Variants in MMP17 observed in about 807,000 individuals in gnomAD.
The protein encoded by MMP17 is matrix metalloproteinase-17.
Under a neutral mutation model 49.1 loss-of-function variants are expected in MMP17, and 54 were observed. The observed-to-expected ratio is 1.10, with a 90% CI of 0.88 to 1.38. The LOEUF is 1.38. MMP17 is among the 40% of genes most tolerant of loss of function. The pLI, the probability that MMP17 is intolerant of heterozygous loss-of-function variation, is 0.00. For synonymous variants in MMP17, 397 were observed against 383.1 expected (o/e 1.04, Z -0.42); for missense variants, 837 against 853.7 (o/e 0.98, Z 0.24).
chr12:131,838,509 G>C, intron 2 of MMP17, 103 bp from the exon 3 acceptor site: 1 of 1,483,298 alleles, frequency 6.7e-7, no homozygotes, highest in Non-Finnish European at 9.0e-7. Context: ...GGGGCGGCTC[G>C]GAGGCTGGTG....
chr12:131,828,703 G>C (rs1424612223), intron 1 of MMP17, 50 bp downstream of exon 1: 4 of 217,810 alleles, frequency 1.8e-5, no homozygotes, highest in African/African-American at 9.4e-5. Context: ...GGAGCCGGGG[G>C]TCTCCGCGGG....
At position 131,838,708 on chromosome 12, in the gene MMP17, C is replaced by A; in HGVS notation, c.389C>A (p.Pro130His). 6.3e-7 allele frequency: 1 copy of A among 1,598,498 alleles called. No homozygotes were observed. Among genetic ancestry groups the A allele is most frequent in the Non-Finnish European group, 8.5e-7 (1 of 1,173,686 alleles). The change falls in exon 3 of 10, where the codon CCC becomes CAC. Residue 130 changes from proline to histidine, a missense_variant. Physicochemically the swap from Pro to His is moderately conservative, Grantham distance 77. Coordinates refer to ENST00000360564, the MANE Select transcript of MMP17 (RefSeq NM_016155.7). ...CGCAGGAGACGCCAGGCTCCAGCCCCCACCAAGTGGAACAAGAGGAACCTG... is the reference window on the plus strand; with the variant it reads ...CGCAGGAGACGCCAGGCTCCAGCCCACACCAAGTGGAACAAGAGGAACCTG... ...QARRRRQAPA[P>H]TKWNKRNLSW...
At chr12:131,834,513 T>TGGGGGCA (rs943484626) in intron 1 of MMP17, among the ~76,000 whole-genome samples, 1 of 151,892 alleles carries the variant, frequency 6.6e-6, no homozygotes, top group East Asian at 1.9e-4. Flanking sequence ...CTGTAGGTAC[T>TGGGGGCA]GGGGGCAGGG....
intron 1 of MMP17, chr12:131,837,934 T>C: frequency 3.0e-6 from 1 of 335,984 alleles, no homozygotes; most frequent in Admixed American, 4.4e-5. Context: ...ATGGTCTCCA[T>C]CTCCTGACCT....
intron 8 of MMP17, among the ~76,000 whole-genome samples, chr12:131,847,035 C>G (rs59218398): frequency 0.36 from 53,854 of 151,148 alleles, 11,444 homozygotes; most frequent in East Asian, 0.78. Context: ...ACCACCTGAG[C>G]CAGAAGGTCA....
chr12:131,837,873 G>C (rs1427825099), intron 1 of MMP17, among the ~76,000 whole-genome samples: 2 of 152,136 alleles, frequency 1.3e-5, no homozygotes, highest in Non-Finnish European at 2.9e-5. Context: ...ACCACACCCG[G>C]CTAATTTTTT....
At chr12:131,848,916 G>T (rs886994392) in intron 8 of MMP17, among the ~76,000 whole-genome samples, 1 of 152,204 alleles carries the variant, frequency 6.6e-6, no homozygotes, top group East Asian at 1.9e-4. Flanking sequence ...GGTTCTTTTG[G>T]ATTTATACCC....
intron 3 of MMP17, among the ~76,000 whole-genome samples, chr12:131,839,121 G>A (rs1887248069): frequency 6.6e-6 from 1 of 152,166 alleles, no homozygotes; most frequent in African/African-American, 2.4e-5. Flanking sequence ...GGTAGAGGGA[G>A]CATCTGTCCA....
chr12:131,845,262 T>A (rs11611232), intron 7 of MMP17, 35 bp from the exon 8 acceptor site: 1 of 1,613,274 alleles, frequency 6.2e-7, no homozygotes, highest in South Asian at 1.1e-5. Context: ...GTGCAGACCG[T>A]CTCTGCAGCC....
intron 4 of MMP17, 117 bp from the exon 5 acceptor site, chr12:131,841,507 A>G: frequency 9.3e-7 from 1 of 1,069,606 alleles, no homozygotes; most frequent in Non-Finnish European, 1.4e-6. Flanking sequence ...CCTCTGGCGC[A>G]GCCGGCATCG....
At chr12:131,844,742 C>T (rs1887603987) in intron 6 of MMP17, 3 of 290,918 alleles carry the variant, frequency 1.0e-5, no homozygotes, top group Admixed American at 9.0e-5. Flanking sequence ...ACAGCCACGT[C>T]GCTGTGAACA....
chr12:131,837,615 C>A (rs1274587164), intron 1 of MMP17, among the ~76,000 whole-genome samples: 1 of 152,208 alleles, frequency 6.6e-6, no homozygotes, highest in Non-Finnish European at 1.5e-5. Flanking sequence ...TAGCATTTTG[C>A]GGTCTCAGGA....
chr12:131,836,434 G>A (rs1229186214), intron 1 of MMP17, among the ~76,000 whole-genome samples: 1 of 151,924 alleles, frequency 6.6e-6, no homozygotes, highest in African/African-American at 2.4e-5. Context: ...AGGCCCAGCA[G>A]GTGGCATAAA....
chr12:131,839,599 A>C (rs1473326268), intron 3 of MMP17, among the ~76,000 whole-genome samples: 1 of 151,832 alleles, frequency 6.6e-6, no homozygotes, highest in Non-Finnish European at 1.5e-5. Flanking sequence ...TCAGCCTCCC[A>C]AGTAGGTGGG....
intron 5 of MMP17, 37 bp from the exon 6 acceptor site, chr12:131,843,959 CG>C: frequency 7.1e-7 from 1 of 1,404,810 alleles, no homozygotes. Context: ...AGGCGGGCGT[CG>C]GGGGTTTGAG....
intron 1 of MMP17, among the ~76,000 whole-genome samples, chr12:131,836,938 G>A (rs1282632252): frequency 1.3e-5 from 2 of 152,168 alleles, no homozygotes; most frequent in African/African-American, 2.4e-5. Context: ...TGGCACCCAG[G>A]TCCCCACAGA....
rs753525649 is a variant in MMP17 at position 131,850,053 on chromosome 12, T to A, written c.1456T>A (p.Ser486Thr). ...PSTLDDAMRW[S>T]DGASYFFRGQ... The stretch of plus-strand genomic sequence containing the variant: ...CACGCTGGACGACGCCATGCGCTGG[T>A]CCGACGGTGAGTGCCAGCTGGGGGG... Residue 486 changes from serine (S) to threonine (T), a missense_variant, in exon 9 of 10, where the codon TCC becomes ACC. Physicochemically the swap from Ser to Thr is moderately conservative, Grantham distance 58 (BLOSUM62 1). Coordinates refer to ENST00000360564, the MANE Select transcript of MMP17 (RefSeq NM_016155.7). 30 of 1,609,256 alleles carry A rather than the reference T, an allele frequency of 1.9e-5. No individual in the cohort carries two copies. Among genetic ancestry groups the A allele is most frequent in the Non-Finnish European group, 2.5e-5 (29 of 1,177,818 alleles).
intron 1 of MMP17, among the ~76,000 whole-genome samples, chr12:131,829,653 G>T (rs1017992786): frequency 1.2e-4 from 18 of 152,232 alleles, no homozygotes; most frequent in African/African-American, 4.3e-4. Flanking sequence ...AGGGCCCCTC[G>T]CCCAGCGCAG....
chr12:131,836,210 C>T lies in MMP17; in HGVS notation c.160-1985C>T, dbSNP rs575017443. On this transcript the variant is annotated intron_variant, in intron 1 of 9. Transcript: ENST00000360564. ...GGGGTAAAGGCACAGAGGGGGGCCC[C>T]GGGAAGGACTCAGTGCTTCCTGGAA... Among the ~76,000 whole-genome samples, 42 of 152,104 alleles carry T rather than the reference C, an allele frequency of 2.8e-4. 1 individual carries two copies. Among genetic ancestry groups the T allele is most frequent in the South Asian group, 1.0e-3 (5 of 4,784 alleles).
Sources: allele counts gnomAD v4.1 joint callset (sites outside exome capture counted in the v4.1 genomes callset), GRCh38; gene constraint gnomAD v4.1.1; transcripts MANE v1.5; gene names NCBI Gene and HGNC (gene_info 2026-07-23, HGNC 2026-07-21).